Variants in ADGRB3 observed in about 807,000 individuals in gnomAD.
ADGRB3 encodes brain-specific angiogenesis inhibitor 3.
Under a neutral mutation model 193.4 loss-of-function variants are expected in ADGRB3, and 37 were observed. The ratio of observed to expected loss-of-function variants is 0.19; its 90% confidence interval spans 0.15 to 0.25. The LOEUF (loss-of-function observed/expected upper bound fraction) is 0.25. Ranked by LOEUF, ADGRB3 falls within the 10% of genes least tolerant of loss-of-function variation. The pLI, the probability that ADGRB3 is intolerant of heterozygous loss-of-function variation, is 1.00. For missense variants in ADGRB3, 1,637 were observed against 1,852.9 expected (o/e 0.88, Z 2.14); for synonymous variants, 690 against 644.2 (o/e 1.07, Z -1.08).
intron 3 of ADGRB3, among the ~76,000 whole-genome samples, chr6:68,924,139 A>G (rs1767117771): frequency 6.6e-6 from 1 of 152,068 alleles, no homozygotes; most frequent in Non-Finnish European, 1.5e-5. Flanking sequence ...TAAGCAAACT[A>G]TTACTGCTGA....
intron 16 of ADGRB3, among the ~76,000 whole-genome samples, chr6:69,064,068 T>C (rs893474402): frequency 1.3e-5 from 2 of 152,036 alleles, no homozygotes. Flanking sequence ...TAAACTCACA[T>C]TCTTTTGGCT....
At chr6:68,876,647 A>G (rs1765602457) in intron 3 of ADGRB3, among the ~76,000 whole-genome samples, 1 of 152,214 alleles carries the variant, frequency 6.6e-6, no homozygotes, top group African/African-American at 2.4e-5. Context: ...TTTATGGTCA[A>G]TGATGAATAA....
rs183575697 is a variant in ADGRB3, at chr6:68,856,285, A to C, written c.758-74274A>C. On this transcript the variant is annotated intron_variant, in intron 3 of 31. Coordinates refer to ENST00000370598, the MANE Select transcript of ADGRB3 (RefSeq NM_001704.3). ...GGGCATTGGTGAAAAGATACCTGAA[A>C]ATGTGGAAGTGACTTTGGAACTGGG... 2.6e-3 allele frequency among the ~76,000 whole-genome samples: 390 copies of C among 152,270 alleles called. 2 individuals carry two copies. Among genetic ancestry groups the C allele is most frequent in the African/African-American group, 8.8e-3 (367 of 41,540 alleles).
intron 3 of ADGRB3, among the ~76,000 whole-genome samples, chr6:68,703,907 G>A (rs926253651): frequency 2.0e-5 from 3 of 152,178 alleles, no homozygotes; most frequent in Non-Finnish European, 4.4e-5. Flanking sequence ...ACAGGTGTGA[G>A]CCACTGTGCC....
intron 17 of ADGRB3, among the ~76,000 whole-genome samples, chr6:69,156,654 T>G (rs2150343131): frequency 6.6e-6 from 1 of 152,148 alleles, no homozygotes; most frequent in Non-Finnish European, 1.5e-5. Flanking sequence ...TTTGTTTGAT[T>G]TTTTACACAA....
chr6:68,669,450 A>G lies in ADGRB3; in HGVS notation c.757+30018A>G, dbSNP rs946580711. 5.9e-5 allele frequency among the ~76,000 whole-genome samples: 9 copies of G among 151,706 alleles called. No homozygotes were observed. In the South Asian group the frequency reaches 6.2e-4, roughly 11 times the overall value. On this transcript the variant is annotated intron_variant, in intron 3 of 31. Transcript: ENST00000370598. Reference sequence around the variant, plus strand: ...TTTACTCTCTATGTCCGTGAGTTCAATTGTTTTGATTTTTAGATCCCACAA... The same window carrying G: ...TTTACTCTCTATGTCCGTGAGTTCAGTTGTTTTGATTTTTAGATCCCACAA...
At chr6:69,183,296 A>G (rs766295900) in intron 17 of ADGRB3, among the ~76,000 whole-genome samples, 2 of 152,130 alleles carry the variant, frequency 1.3e-5, no homozygotes, top group South Asian at 4.1e-4. Flanking sequence ...AAGTACTTCA[A>G]TGACTTAAAA....
chr6:68,856,217 G>A (rs2127392816), intron 3 of ADGRB3, among the ~76,000 whole-genome samples: 1 of 152,282 alleles, frequency 6.6e-6, no homozygotes, highest in South Asian at 2.1e-4. Flanking sequence ...TTTATCAGCA[G>A]TGTGAAAACG....
chr6:69,014,200 G>A, intron 12 of ADGRB3, 94 bp downstream of exon 12: 1 of 927,086 alleles, frequency 1.1e-6, no homozygotes, highest in Non-Finnish European at 1.6e-6. Context: ...AGGAAAACAA[G>A]ATATTTTTAA....
At chr6:69,372,875 T>C (rs1372565531) in intron 30 of ADGRB3, among the ~76,000 whole-genome samples, 3 of 152,136 alleles carry the variant, frequency 2.0e-5, no homozygotes, top group Non-Finnish European at 4.4e-5. Context: ...ACTTGTTTCA[T>C]GTTCTGATTC....
chr6:69,333,984 A>T (rs1398542170), intron 24 of ADGRB3, among the ~76,000 whole-genome samples: 2 of 107,650 alleles, frequency 1.9e-5, no homozygotes, highest in Admixed American at 9.2e-5. Flanking sequence ...AATAAAATAA[A>T]ATAAAATAAA....
intron 3 of ADGRB3, among the ~76,000 whole-genome samples, chr6:68,786,647 G>A (rs1398101891): frequency 7.2e-5 from 11 of 151,800 alleles, no homozygotes. Context: ...GCTCTTTTTT[G>A]GTTCCATATG....
chr6:69,054,772 T>C (rs1162117836), intron 15 of ADGRB3, among the ~76,000 whole-genome samples: 1 of 152,150 alleles, frequency 6.6e-6, no homozygotes, highest in Non-Finnish European at 1.5e-5. Context: ...ACAGTGAAAT[T>C]CTAACTCCTT....
At position 69,250,922 on chromosome 6, in the gene ADGRB3, T is replaced by C. The variant is rs535308036; in HGVS notation, c.2814+11696T>C. 2.0e-5 allele frequency among the ~76,000 whole-genome samples: 3 copies of C among 152,298 alleles called. No individual in the cohort carries two copies. In the East Asian group the frequency reaches 5.8e-4, roughly 29 times the overall value. ...TTGGAATGAAATCCAAACCACATAA[T>C]ATGGCCCACAAGCCCCAACATGACA... On this transcript the variant is annotated intron_variant, in intron 20 of 31. Transcript: ENST00000370598.
intron 3 of ADGRB3, among the ~76,000 whole-genome samples, chr6:68,783,512 G>T (rs1262392074): frequency 2.0e-5 from 3 of 151,508 alleles, no homozygotes; most frequent in African/African-American, 7.3e-5. Flanking sequence ...TAAACAAAAA[G>T]ACAAGGGCAT....
intron 15 of ADGRB3, among the ~76,000 whole-genome samples, chr6:69,052,424 T>C (rs558545300): frequency 6.4e-4 from 98 of 152,360 alleles, no homozygotes; most frequent in Non-Finnish European, 1.2e-3. Context: ...TTATAAAATA[T>C]ATTCCTTGTT....
At chr6:68,837,324 A>G (rs1017737076) in intron 3 of ADGRB3, among the ~76,000 whole-genome samples, 2 of 152,202 alleles carry the variant, frequency 1.3e-5, no homozygotes, top group Non-Finnish European at 2.9e-5. Flanking sequence ...TTGTACTATC[A>G]ATATAATGTA....
intron 20 of ADGRB3, among the ~76,000 whole-genome samples, chr6:69,256,743 G>T (rs1766781501): frequency 6.6e-6 from 1 of 152,188 alleles, no homozygotes; most frequent in African/African-American, 2.4e-5. Context: ...ACACTATGCT[G>T]AATAGGAGTG....
chr6:68,890,736 T>C (rs1370103435), intron 3 of ADGRB3, among the ~76,000 whole-genome samples: 1 of 152,114 alleles, frequency 6.6e-6, no homozygotes, highest in Non-Finnish European at 1.5e-5. Context: ...TTTTTAAAAA[T>C]GCACTAAGAA....
Sources: allele counts gnomAD v4.1 joint callset (sites outside exome capture counted in the v4.1 genomes callset), GRCh38; gene constraint gnomAD v4.1.1; transcripts MANE v1.5; gene names NCBI Gene and HGNC (gene_info 2026-07-23, HGNC 2026-07-21).